The following EARS2 variants were observed in gnomAD, a reference collection of about 807,000 sequenced individuals.
EARS2 encodes the protein glutamyl-tRNA synthetase 2, mitochondrial.
EARS2 carries 50 observed loss-of-function variants against 54.1 expected under a neutral mutation model. The ratio of observed to expected loss-of-function variants is 0.92; its 90% confidence interval spans 0.74 to 1.17. The LOEUF (loss-of-function observed/expected upper bound fraction) is 1.17, where lower values mean the gene tolerates loss of function less well. Among genes scored for constraint, EARS2 ranks in the 50% most tolerant of loss-of-function variants. The probability of loss-of-function intolerance (pLI) is 0.00; values close to 1 mark genes in which losing one functional copy is unlikely to be tolerated. For synonymous variants in EARS2, 298 were observed against 281.0 expected, an observed-to-expected ratio of 1.06 and a Z score of -0.61; for missense variants, 673 against 675.0, an observed-to-expected ratio of 1.00 and a Z score of 0.03.
Position 23,529,591 on chromosome 16 carries a change from G to A in EARS2, c.1263C>T (p.Tyr421=). ...CTGCAGGGCGAGTCCACAGGTAAGA[G>A]TATACTGGGGACACCAAGTCCTGCA... ...CRLQDLVSPV[Y]SYLWTRPAVG... The change falls in exon 7 of 9, where the codon TAC becomes TAT. Residue 421 remains tyrosine (Y), a synonymous_variant. Transcript: ENST00000449606. The A allele has an allele frequency of 6.2e-7, 1 of 1,614,166 alleles. No individual in the cohort carries two copies. The highest frequency in any genetic ancestry group is 8.5e-7 in the Non-Finnish European group (1 of 1,180,032).
At chr16:23,553,308 T>A (rs1303256999) in intron 1 of EARS2, among the ~76,000 whole-genome samples, 3 of 152,176 alleles carry the variant, frequency 2.0e-5, no homozygotes, top group African/African-American at 7.2e-5. Context: ...CACCACTCTA[T>A]TTTGATATTT....
At chr16:23,543,944 C>T (rs1965558267) in intron 3 of EARS2, among the ~76,000 whole-genome samples, 1 of 152,122 alleles carries the variant, frequency 6.6e-6, no homozygotes, top group African/African-American at 2.4e-5. Context: ...ATAAATGAAT[C>T]TCATGTTTAG....
chr16:23,530,566 C>T (rs1196593534), intron 5 of EARS2, among the ~76,000 whole-genome samples: 1 of 151,778 alleles, frequency 6.6e-6, no homozygotes, highest in Non-Finnish European at 1.5e-5. Context: ...GCCACTCAGT[C>T]CTGCTGGACC....
At chr16:23,534,832 C>T (rs1965385333) in intron 4 of EARS2, 56 bp downstream of exon 4, 3 of 1,447,300 alleles carry the variant, frequency 2.1e-6, no homozygotes, top group East Asian at 2.3e-5. Context: ...TGAGCCAAAG[C>T]CCTGCTCCTC....
At chr16:23,556,231 A>G (rs1965780331) in intron 1 of EARS2, among the ~76,000 whole-genome samples, 1 of 152,168 alleles carries the variant, frequency 6.6e-6, no homozygotes, top group Non-Finnish European at 1.5e-5. Context: ...GGTGGGAACC[A>G]AAAGGCCCTG....
chr16:23,536,338 C>T (rs1965417319), intron 3 of EARS2, among the ~76,000 whole-genome samples: 1 of 152,188 alleles, frequency 6.6e-6, no homozygotes, highest in South Asian at 2.1e-4. Context: ...GACACAGTTG[C>T]TCACGTCTGT....
intron 1 of EARS2, among the ~76,000 whole-genome samples, chr16:23,556,421 C>T (rs996513943): frequency 1.3e-5 from 2 of 152,198 alleles, no homozygotes; most frequent in African/African-American, 4.8e-5. Context: ...ATGGCGCGAT[C>T]TTGGCTCACC....
At chr16:23,554,562 G>A (rs938940790) in intron 1 of EARS2, among the ~76,000 whole-genome samples, 1 of 152,178 alleles carries the variant, frequency 6.6e-6, no homozygotes, top group East Asian at 1.9e-4. Flanking sequence ...AGAGGCAGCA[G>A]AGGAGAGAAA....
At chr16:23,544,918 T>C (rs1378816825) in intron 2 of EARS2, 3 of 437,292 alleles carry the variant, frequency 6.9e-6, no homozygotes, top group Non-Finnish European at 1.2e-5. Context: ...CTTAGCTCAC[T>C]GCAACCTCCA....
chr16:23,556,028 CAATT>C (rs551347933), intron 1 of EARS2, among the ~76,000 whole-genome samples: 2 of 152,172 alleles, frequency 1.3e-5, no homozygotes, highest in East Asian at 1.9e-4. Context: ...TATTGATACA[CAATT>C]GATTGGAAAT....
At chr16:23,552,334 G>A in intron 1 of EARS2, 30 bp from the exon 2 acceptor site, 2 of 1,609,586 alleles carry the variant, frequency 1.2e-6, no homozygotes, top group Non-Finnish European at 8.5e-7. Context: ...AGATAAGACA[G>A]GGAAGATAAG....
intron 5 of EARS2, among the ~76,000 whole-genome samples, chr16:23,530,109 C>T (rs1036774207): frequency 1.3e-5 from 2 of 152,188 alleles, no homozygotes; most frequent in East Asian, 1.9e-4. Context: ...AACTCGGAGA[C>T]GTGCTTTCTT....
chr16:23,528,030 C>T (rs1965260036), intron 7 of EARS2, among the ~76,000 whole-genome samples: 1 of 152,022 alleles, frequency 6.6e-6, no homozygotes, highest in Non-Finnish European at 1.5e-5. Context: ...TAAAAGACAC[C>T]CCAGAGAGTC....
At chr16:23,532,041 G>C (rs1361307593) in intron 5 of EARS2, among the ~76,000 whole-genome samples, 2 of 152,166 alleles carry the variant, frequency 1.3e-5, no homozygotes, top group Non-Finnish European at 2.9e-5. Flanking sequence ...TCGAACTCCT[G>C]ACCTCAGGTG....
chr16:23,542,783 C>T (rs1048269226), intron 3 of EARS2, among the ~76,000 whole-genome samples: 8 of 151,888 alleles, frequency 5.3e-5, no homozygotes, highest in African/African-American at 1.7e-4. Flanking sequence ...TGACTTTTGT[C>T]TAATGAACAA....
chr16:23,540,174 ACT>A (rs1409992310), intron 3 of EARS2, among the ~76,000 whole-genome samples: 10 of 151,546 alleles, frequency 6.6e-5, no homozygotes, highest in African/African-American at 2.4e-4. Context: ...AAAACATAAC[ACT>A]CTGTGTGTGG....
chr16:23,524,749 C>G lies in EARS2; in HGVS notation c.1489-295G>C, dbSNP rs187381984. On this transcript the variant is annotated intron_variant, in intron 8 of 8. Transcript: ENST00000449606. ...GCAACCTCTGCCTCCCAGGTTCAGG[C>G]AATTCTCGTGCCTCACCCTCCCAAG... Among the ~76,000 whole-genome samples, 1,183 of 151,480 alleles carry G rather than the reference C, an allele frequency of 7.8e-3. 10 individuals carry two copies. The highest frequency in any genetic ancestry group is 0.012 in the Non-Finnish European group (811 of 67,912).
intron 7 of EARS2, among the ~76,000 whole-genome samples, chr16:23,526,048 G>T (rs914154050): frequency 6.7e-6 from 1 of 150,082 alleles, no homozygotes; most frequent in Non-Finnish European, 1.5e-5. Context: ...GGCTATCGTA[G>T]AGAGTTAAAA....
chr16:23,535,786 A>T (rs986839382), intron 3 of EARS2, among the ~76,000 whole-genome samples: 3 of 152,206 alleles, frequency 2.0e-5, no homozygotes, highest in Non-Finnish European at 4.4e-5. Context: ...TCTCCAAAGG[A>T]CAAGAAGAGA....
Sources: gnomAD v4.1 joint callset for allele counts (sites outside exome capture counted in the v4.1 genomes callset) on GRCh38, gnomAD v4.1.1 for gene constraint, MANE v1.5 for transcripts, NCBI Gene and HGNC (gene_info 2026-07-23, HGNC 2026-07-21) for gene names.